Variants in EYS observed in about 807,000 individuals in gnomAD.
EYS encodes protein eyes shut homolog.
EYS carries 250 observed loss-of-function variants against 282.1 expected under a neutral mutation model. The ratio of observed to expected loss-of-function variants is 0.89; its 90% CI spans 0.80 to 0.98. The LOEUF (loss-of-function observed/expected upper bound fraction) is 0.98, where lower values mean the gene tolerates loss of function less well. Among genes scored for constraint, EYS ranks in the 50% least tolerant of loss-of-function variants. The pLI is 0.00. For missense variants in EYS, 4,016 were observed against 3,709.0 expected (o/e 1.08, Z -2.15); for synonymous variants, 1,355 against 1,282.9 (o/e 1.06, Z -1.20).
chr6:65,135,464 T>C (rs988090484), intron 12 of EYS, among the ~76,000 whole-genome samples: 1 of 152,028 alleles, frequency 6.6e-6, no homozygotes, highest in Admixed American at 6.6e-5. Flanking sequence ...TTATTCCTGA[T>C]GGATGATTAT....
At chr6:64,523,026 A>G (rs897035398) in intron 26 of EYS, among the ~76,000 whole-genome samples, 1 of 150,870 alleles carries the variant, frequency 6.6e-6, no homozygotes, top group African/African-American at 2.4e-5. Flanking sequence ...TTGATATGTC[A>G]TTTTAGTTAA....
intron 8 of EYS, among the ~76,000 whole-genome samples, chr6:65,360,747 T>C (rs1427700165): frequency 1.3e-5 from 2 of 152,156 alleles, no homozygotes; most frequent in Non-Finnish European, 2.9e-5. Context: ...TTGCTCTCAC[T>C]GAGCTCACAG....
chr6:65,046,687 G>T (rs1459441224), intron 13 of EYS, among the ~76,000 whole-genome samples: 1 of 151,842 alleles, frequency 6.6e-6, no homozygotes, highest in Non-Finnish European at 1.5e-5. Context: ...ATTTTCAAGT[G>T]AAATAGACAC....
Position 64,735,269 on chromosome 6 carries a change from G to C in EYS, c.3443+78109C>G, listed in dbSNP as rs190750418. ...TGGCTAGTTTTTCGTATTTTTAGTA[G>C]AGACGGGGTTTCACCGTGTTAGCCA... On this transcript the variant is annotated intron_variant, in intron 22 of 42. Coordinates refer to ENST00000503581, the MANE Select transcript of EYS (RefSeq NM_001142800.2). Among the ~76,000 whole-genome samples, 1,466 of 152,228 alleles carry C rather than the reference G, an allele frequency of 9.6e-3. 8 individuals are homozygous for C. Among genetic ancestry groups the C allele is most frequent in the South Asian group, 0.019 (90 of 4,832 alleles).
chr6:65,166,942 T>A (rs1764987366), intron 12 of EYS, among the ~76,000 whole-genome samples: 1 of 151,200 alleles, frequency 6.6e-6, no homozygotes, highest in South Asian at 2.1e-4. Context: ...CAAAAATATA[T>A]GATCACTATC....
intron 13 of EYS, among the ~76,000 whole-genome samples, chr6:65,048,211 C>A (rs1773159591): frequency 6.6e-6 from 1 of 151,840 alleles, no homozygotes; most frequent in South Asian, 2.1e-4. Context: ...CACTTTTCTA[C>A]CAAATATTTT....
chr6:65,533,750 G>T (rs1052986693), intron 2 of EYS, among the ~76,000 whole-genome samples: 1 of 152,092 alleles, frequency 6.6e-6, no homozygotes, highest in African/African-American at 2.4e-5. Context: ...TATGGAGTCT[G>T]CTGGCACCTT....
intron 21 of EYS, among the ~76,000 whole-genome samples, chr6:64,821,188 T>TA (rs565801991): frequency 6.6e-6 from 1 of 151,984 alleles, no homozygotes; most frequent in Non-Finnish European, 1.5e-5. Flanking sequence ...CTGAGAATAT[T>TA]AAAGGTGTTG....
intron 26 of EYS, among the ~76,000 whole-genome samples, chr6:64,506,895 C>A (rs1777225576): frequency 9.0e-6 from 1 of 111,210 alleles, no homozygotes; most frequent in Non-Finnish European, 1.6e-5. Flanking sequence ...GGCGATAAAG[C>A]GAGGCTGTGT....
At chr6:64,375,071 CAATA>C (rs1451453906) in intron 29 of EYS, among the ~76,000 whole-genome samples, 1 of 152,096 alleles carries the variant, frequency 6.6e-6, no homozygotes, top group East Asian at 1.9e-4. Context: ...CATTACAAAG[CAATA>C]AATAAATATC....
chr6:65,333,697 T>C (rs962226724), intron 11 of EYS, among the ~76,000 whole-genome samples: 2 of 151,404 alleles, frequency 1.3e-5, no homozygotes, highest in Non-Finnish European at 3.0e-5. Context: ...TTAGCTTCAT[T>C]ATTTTGAGGC....
rs186835503 is a variant in EYS at position 64,157,896 on chromosome 6, C to A, written c.6424+72696G>T. Among the ~76,000 whole-genome samples the A allele has an allele frequency of 3.3e-5, 5 of 152,286 alleles. No individual in the cohort carries two copies. In the East Asian group the frequency reaches 9.7e-4, roughly 29 times the overall value. ...CCACACAGAGTCCCTACTGGGGCAC[C>A]ACCTTATGGACCTGTGAGAAGAGGG... On this transcript the variant is annotated intron_variant, in intron 31 of 42. Coordinates refer to ENST00000503581, the MANE Select transcript of EYS (RefSeq NM_001142800.2).
intron 19 of EYS, among the ~76,000 whole-genome samples, chr6:64,877,344 T>C (rs1766779814): frequency 6.6e-6 from 1 of 152,144 alleles, no homozygotes; most frequent in African/African-American, 2.4e-5. Flanking sequence ...GTTATTTGGG[T>C]ATATGAGTTG....
chr6:65,421,319 GTCTATC>G (rs2150377162), intron 5 of EYS, among the ~76,000 whole-genome samples: 1 of 151,794 alleles, frequency 6.6e-6, no homozygotes, highest in South Asian at 2.1e-4. Context: ...AATTTCATGA[GTCTATC>G]TCTGCTAGAT....
At chr6:63,848,375 C>T (rs974327886) in intron 36 of EYS, among the ~76,000 whole-genome samples, 1 of 151,838 alleles carries the variant, frequency 6.6e-6, no homozygotes, top group Non-Finnish European at 1.5e-5. Flanking sequence ...TTTAAATATG[C>T]CACTTTGGGG....
intron 26 of EYS, among the ~76,000 whole-genome samples, chr6:64,492,248 CA>C (rs1313626407): frequency 6.6e-6 from 1 of 150,998 alleles, no homozygotes; most frequent in Non-Finnish European, 1.5e-5. Context: ...TAAATAGGAT[CA>C]ATGTCTGAAG....
At chr6:64,343,693 G>C (rs1771232963) in intron 29 of EYS, among the ~76,000 whole-genome samples, 1 of 152,048 alleles carries the variant, frequency 6.6e-6, no homozygotes, top group Admixed American at 6.6e-5. Context: ...CAGAAGGCAA[G>C]AAGTAACTAA....
At chr6:65,564,289 G>A (rs1273671748) in intron 2 of EYS, among the ~76,000 whole-genome samples, 5 of 151,958 alleles carry the variant, frequency 3.3e-5, no homozygotes, top group Admixed American at 3.3e-4. Context: ...ATTTCATATG[G>A]AACCAAAAAA....
intron 12 of EYS, among the ~76,000 whole-genome samples, chr6:65,165,837 C>T (rs1764959431): frequency 6.6e-6 from 1 of 151,108 alleles, no homozygotes; most frequent in Admixed American, 6.6e-5. Flanking sequence ...GGAATAGACA[C>T]ACACACATTC....
Sources: gnomAD v4.1 joint callset for allele counts (sites outside exome capture counted in the v4.1 genomes callset) on GRCh38, gnomAD v4.1.1 for gene constraint, MANE v1.5 for transcripts, NCBI Gene and HGNC (gene_info 2026-07-23, HGNC 2026-07-21) for gene names.